The following MARCHF8 variants were observed in gnomAD, a reference collection of about 807,000 sequenced individuals.
The protein encoded by MARCHF8 is membrane associated ring-CH-type finger 8.
A neutral mutation model predicts 51.6 loss-of-function variants in MARCHF8; 40 were observed. That is an observed-to-expected ratio of 0.77 (90% CI 0.60 to 1.01). The LOEUF (loss-of-function observed/expected upper bound fraction) is 1.01. MARCHF8 is among the 50% of genes least tolerant of loss of function. The pLI is 0.00. For synonymous variants in MARCHF8, 263 were observed against 280.3 expected (o/e 0.94, Z 0.62); for missense variants, 685 against 708.6 (o/e 0.97, Z 0.38).
chr10:45,551,190 T>C (rs1192432638), intron 1 of MARCHF8, among the ~76,000 whole-genome samples: 2 of 152,172 alleles, frequency 1.3e-5, no homozygotes, highest in Non-Finnish European at 2.9e-5. Flanking sequence ...AAAACAGATA[T>C]GCACAAGAAA....
At chr10:45,484,599 G>A (rs541805322) in intron 3 of MARCHF8, among the ~76,000 whole-genome samples, 2 of 152,264 alleles carry the variant, frequency 1.3e-5, no homozygotes, top group South Asian at 2.1e-4. Context: ...ACTGTGATAG[G>A]TGCTATGAAG....
intron 3 of MARCHF8, among the ~76,000 whole-genome samples, chr10:45,465,362 GC>G (rs941285851): frequency 2.6e-5 from 4 of 152,194 alleles, no homozygotes; most frequent in African/African-American, 9.7e-5. Flanking sequence ...CCCACCTTCT[GC>G]AGGCCCACCT....
chr10:45,504,925 C>A (rs2043352697), intron 2 of MARCHF8, among the ~76,000 whole-genome samples: 2 of 152,152 alleles, frequency 1.3e-5, no homozygotes, highest in African/African-American at 2.4e-5. Context: ...ATTAACAATT[C>A]CGACATTCTA....
At chr10:45,569,966 A>G (rs1181593018) in intron 1 of MARCHF8, among the ~76,000 whole-genome samples, 2 of 152,234 alleles carry the variant, frequency 1.3e-5, no homozygotes, top group African/African-American at 4.8e-5. Context: ...CACTAATAAT[A>G]GAGTGAAAAG....
chr10:45,534,175 T>C (rs973486916), intron 1 of MARCHF8, among the ~76,000 whole-genome samples: 12 of 149,482 alleles, frequency 8.0e-5, no homozygotes, highest in African/African-American at 3.0e-4. Flanking sequence ...ACAGCGAGAC[T>C]CCAACCCCCC....
chr10:45,486,721 G>A (rs1331485834), intron 3 of MARCHF8, among the ~76,000 whole-genome samples: 2 of 151,778 alleles, frequency 1.3e-5, no homozygotes, highest in Admixed American at 6.6e-5. Flanking sequence ...TTGGCTCAGT[G>A]TAATGGGTGA....
chr10:45,591,479 AG>A (rs927567753), intron 1 of MARCHF8, among the ~76,000 whole-genome samples: 9 of 151,760 alleles, frequency 5.9e-5, no homozygotes, highest in African/African-American at 1.9e-4. Context: ...AAAAAAAAAA[AG>A]CAGCAGCAGC....
intron 1 of MARCHF8, among the ~76,000 whole-genome samples, chr10:45,574,200 C>T (rs1471413860): frequency 6.6e-6 from 1 of 152,166 alleles, no homozygotes; most frequent in Non-Finnish European, 1.5e-5. Flanking sequence ...AATATCCCAT[C>T]CCACAGCACG....
intron 2 of MARCHF8, among the ~76,000 whole-genome samples, chr10:45,531,248 C>CG (rs1409787261): frequency 6.6e-6 from 1 of 152,006 alleles, no homozygotes; most frequent in African/African-American, 2.4e-5. Flanking sequence ...ATTGTAAACC[C>CG]ACTGATCCAC....
At chr10:45,555,925 T>C (rs1427280549) in intron 1 of MARCHF8, among the ~76,000 whole-genome samples, 1 of 152,136 alleles carries the variant, frequency 6.6e-6, no homozygotes, top group East Asian at 1.9e-4. Flanking sequence ...TCTGGGTAAC[T>C]GAACAGTCTG....
chr10:45,582,625 T>C (rs1165239526), intron 1 of MARCHF8, among the ~76,000 whole-genome samples: 1 of 152,214 alleles, frequency 6.6e-6, no homozygotes, highest in Non-Finnish European at 1.5e-5. Context: ...GAGGTCAAGC[T>C]ATTCAGAAAA....
At chr10:45,500,734 A>ATC (rs1214738350) in intron 2 of MARCHF8, among the ~76,000 whole-genome samples, 1 of 152,140 alleles carries the variant, frequency 6.6e-6, no homozygotes, top group East Asian at 1.9e-4. Context: ...AAAAATCTCT[A>ATC]TCTGCACATG....
In MARCHF8 at chr10:45,544,888, T is replaced by C. The variant is rs975869104; in HGVS notation, c.-78-11599A>G. Reference sequence around the variant, plus strand: ...TTAATACAGCTTACAAGGCCCTATGTTATCTATCCCACCTCATTTTGTACT... The same window carrying C: ...TTAATACAGCTTACAAGGCCCTATGCTATCTATCCCACCTCATTTTGTACT... On this transcript the variant is annotated intron_variant, in intron 1 of 6. Coordinates refer to the MARCHF8 transcript ENST00000319836. Among the ~76,000 whole-genome samples, 59 of 152,200 alleles carry C rather than the reference T, an allele frequency of 3.9e-4. 1 individual carries two copies. Among genetic ancestry groups the C allele is most frequent in the African/African-American group, 1.4e-3 (58 of 41,440 alleles).
chr10:45,534,396 T>A (rs1311191677), intron 1 of MARCHF8, among the ~76,000 whole-genome samples: 2 of 152,082 alleles, frequency 1.3e-5, no homozygotes, highest in Non-Finnish European at 2.9e-5. Flanking sequence ...TTAGGTAAAA[T>A]AACAGTGTAT....
rs142481456 is a variant in MARCHF8 at position 45,504,415 on chromosome 10, G to A, written c.103-14998C>T. Among the ~76,000 whole-genome samples, 575 of 152,380 alleles carry A rather than the reference G, an allele frequency of 3.8e-3. 12 individuals are homozygous for A. The East Asian group carries it at 0.053, about 14-fold the overall frequency. On this transcript the variant is annotated intron_variant, in intron 2 of 7. Transcript: ENST00000453424. ...GCCGAGATCGCGCCATTGCACTCCA[G>A]CGTGGGAAACAAGAGCGAAACTCCG... is the stretch of plus-strand genomic sequence containing the variant.
rs1842782289 is a variant in MARCHF8 at position 45,461,430 on chromosome 10, C to G, written c.1089-19G>C. The G allele has an allele frequency of 2.0e-6, 3 of 1,523,138 alleles. No individual in the cohort carries two copies. Among genetic ancestry groups the G allele is most frequent in the African/African-American group, 2.8e-5 (2 of 71,244 alleles). 94.4% of individuals were successfully genotyped at this position (1,523,138 alleles called of 1,614,324 possible). On this transcript the variant is annotated intron_variant, in intron 5 of 7. Coordinates refer to ENST00000453424, the MANE Select transcript of MARCHF8 (RefSeq NM_001282866.2). Reference sequence around the variant, plus strand: ...GCAGATCCTATGGTGGAAGGAAAACCTGTCATTCCAAGGACAGTCCCATGA... The same window carrying G: ...GCAGATCCTATGGTGGAAGGAAAACGTGTCATTCCAAGGACAGTCCCATGA...
intron 5 of MARCHF8, 200 bp from the exon 6 acceptor site, chr10:45,461,611 G>A: frequency 2.5e-6 from 1 of 400,112 alleles, no homozygotes; most frequent in Non-Finnish European, 4.3e-6. Flanking sequence ...AACATGGAAA[G>A]TCTGGAGGGC....
At chr10:45,571,862 GT>G (rs956484468) in intron 1 of MARCHF8, among the ~76,000 whole-genome samples, 2 of 152,150 alleles carry the variant, frequency 1.3e-5, no homozygotes, top group African/African-American at 4.8e-5. Context: ...AAGGAGACAT[GT>G]TTTATCCGTG....
At chr10:45,516,117 T>A (rs966484981) in intron 2 of MARCHF8, among the ~76,000 whole-genome samples, 2 of 152,194 alleles carry the variant, frequency 1.3e-5, no homozygotes, top group Non-Finnish European at 2.9e-5. Flanking sequence ...GCTCACAATG[T>A]GTCCCTTCTT....
Sources: allele counts gnomAD v4.1 joint callset (sites outside exome capture counted in the v4.1 genomes callset), GRCh38; gene constraint gnomAD v4.1.1; transcripts MANE v1.5; gene names NCBI Gene and HGNC (gene_info 2026-07-23, HGNC 2026-07-21).